PIK3CD: variants seen among roughly 807,000 people sequenced by gnomAD.
The protein encoded by PIK3CD is phosphatidylinositol-4,5-bisphosphate 3-kinase catalytic subunit delta.
Under a neutral mutation model 122.9 loss-of-function variants are expected in PIK3CD, and 20 were observed. The ratio of observed to expected loss-of-function variants is 0.16; its 90% CI spans 0.11 to 0.24. The LOEUF (loss-of-function observed/expected upper bound fraction) is 0.24. Among genes scored for constraint, PIK3CD ranks in the 10% least tolerant of loss-of-function variants. The probability of loss-of-function intolerance (pLI) is 1.00; values close to 1 mark genes in which losing one functional copy is unlikely to be tolerated. For synonymous variants in PIK3CD, 596 were observed against 593.4 expected, an observed-to-expected ratio of 1.00 and a Z score of -0.06; for missense variants, 787 against 1,406.3, an observed-to-expected ratio of 0.56 and a Z score of 7.04.
chr1:9,639,267 C>T, the PIK3CD span, among the ~76,000 whole-genome samples: 1 of 152,036 alleles, frequency 6.6e-6, no homozygotes, highest in Non-Finnish European at 1.5e-5. Context: ...TTACTCCTCA[C>T]ACTAGGTGCT....
At chr1:9,686,219 C>T (rs2100346191) in intron 1 of PIK3CD, among the ~76,000 whole-genome samples, 1 of 152,184 alleles carries the variant, frequency 6.6e-6, no homozygotes, top group East Asian at 1.9e-4. Flanking sequence ...GAGGATTGGC[C>T]CTTTTAGTAG....
chr1:9,720,518 T>C lies in PIK3CD; in HGVS notation c.1471-93T>C. The C allele has an allele frequency of 1.3e-6, 2 of 1,541,594 alleles. No individual in the cohort carries two copies. The highest frequency in any genetic ancestry group is 1.8e-6 in the Non-Finnish European group (2 of 1,141,158). ...CCTCCATGCAGAGGACAGCGCCCCC[T>C]CAAGGATGATTGGGGTGGCAATGCC... On this transcript the variant is annotated intron_variant, in intron 11 of 23. Coordinates refer to ENST00000377346, the MANE Select transcript of PIK3CD (RefSeq NM_005026.5). The surrounding 1 kb of genome is among the most constrained non-coding windows in gnomAD (Gnocchi z 9.0).
intron 2 of PIK3CD, among the ~76,000 whole-genome samples, chr1:9,693,000 A>G (rs1646264211): frequency 6.6e-6 from 1 of 152,190 alleles, no homozygotes; most frequent in African/African-American, 2.4e-5. Flanking sequence ...TCTTTGTCTC[A>G]GAAAATGCCT....
At position 9,727,801 on chromosome 1, in the gene PIK3CD, C is replaced by T; in HGVS notation, c.*755C>T. On this transcript the variant is annotated 3_prime_UTR_variant, in exon 24 of 24. Transcript: ENST00000377346. ...AGAAGCGAATACTCTGCCATTATCT[C>T]AAAAATCTTTTTTTTTTTTTTGAGA... 5.3e-6 allele frequency: 1 copy of T among 187,510 alleles called. No homozygotes were observed. The highest frequency in any genetic ancestry group is 8.5e-5 in the East Asian group (1 of 11,782). The allele number at this position is 187,510 out of a possible 1,614,324, so 11.6% of individuals were successfully genotyped here. A position where few individuals can be genotyped will look rare whatever the true frequency, so the allele number is the denominator to read the frequency against.
intron 2 of PIK3CD, among the ~76,000 whole-genome samples, chr1:9,703,602 T>A (rs1355395920): frequency 1.3e-5 from 2 of 152,270 alleles, no homozygotes; most frequent in African/African-American, 4.8e-5. Context: ...GTTGGAATCA[T>A]GAACACATAT....
At chr1:9,676,454 C>T (rs1383308212) in intron 1 of PIK3CD, among the ~76,000 whole-genome samples, 2 of 152,256 alleles carry the variant, frequency 1.3e-5, no homozygotes, top group Non-Finnish European at 2.9e-5. Flanking sequence ...GGACGCAGCT[C>T]TGGTGCCTGG....
At chr1:9,671,140 C>T (rs1645310589) in intron 1 of PIK3CD, among the ~76,000 whole-genome samples, 2 of 152,000 alleles carry the variant, frequency 1.3e-5, no homozygotes, top group South Asian at 4.1e-4. Context: ...CACTCCGTCG[C>T]CCAGGCTGGA....
chr1:9,707,313 T>C (rs1164701602), intron 2 of PIK3CD, among the ~76,000 whole-genome samples: 1 of 151,192 alleles, frequency 6.6e-6, no homozygotes, highest in Non-Finnish European at 1.5e-5. Flanking sequence ...AGAGGGTAAA[T>C]TGTGGTTTCT....
In PIK3CD at chr1:9,652,620, T is replaced by A. The variant is rs900140360; in HGVS notation, c.-138+818T>A. Reference sequence around the variant, plus strand: ...GTAATTCAGCCTGAATGAGGCTTTTTAAAAAAATCGAGTTTCCTGTTTTTA... The same window carrying A: ...GTAATTCAGCCTGAATGAGGCTTTTAAAAAAAATCGAGTTTCCTGTTTTTA... On this transcript the variant is annotated intron_variant, in intron 1 of 23. Transcript: ENST00000377346. This position sits in a 1 kb window ranked among gnomAD's most constrained non-coding sequence, Gnocchi z 6.2. 4 of 152,266 alleles carry A rather than the reference T, an allele frequency of 2.6e-5. No individual in the cohort carries two copies. Among genetic ancestry groups the A allele is most frequent in the African/African-American group, 7.2e-5 (3 of 41,476 alleles). The allele number at this position is 152,266 out of a possible 1,614,324, so 9.4% of individuals were successfully genotyped here.
rs1402413075 is a variant in PIK3CD at position 9,700,374 on chromosome 1, C to G, written c.-33+8803C>G. 6.6e-6 allele frequency among the ~76,000 whole-genome samples: 1 copy of G among 152,172 alleles called. No homozygotes were observed. Among genetic ancestry groups the G allele is most frequent in the Admixed American group, 6.5e-5 (1 of 15,276 alleles). On this transcript the variant is annotated intron_variant, in intron 2 of 23. Coordinates refer to ENST00000377346, the MANE Select transcript of PIK3CD (RefSeq NM_005026.5). This position sits in a 1 kb window ranked among gnomAD's most constrained non-coding sequence, Gnocchi z 5.1. ...ACAGACTGTAAGGGTGGCGTGGTGT[C>G]CTGGCCAGAACCCCATGTGCGGGAG...
intron 2 of PIK3CD, among the ~76,000 whole-genome samples, chr1:9,708,037 A>C (rs1646909761): frequency 6.6e-6 from 1 of 151,380 alleles, no homozygotes; most frequent in South Asian, 2.1e-4. Context: ...CTCGTGATCC[A>C]CTCGCCTCGG....
intron 2 of PIK3CD, among the ~76,000 whole-genome samples, chr1:9,707,222 T>A (rs1646869276): frequency 6.6e-6 from 1 of 151,908 alleles, no homozygotes; most frequent in African/African-American, 2.4e-5. Flanking sequence ...CACAAGGGGA[T>A]GGATTCAAGA....
In PIK3CD at chr1:9,722,495, T is replaced by C. The variant is rs367917753; in HGVS notation, c.2348-33T>C. ...TGGAAGCAGAGAACCTACCAGAAAC[T>C]CACGCTTCTCCTCCCACCGGCCGGT... is the stretch of plus-strand genomic sequence containing the variant. On this transcript the variant is annotated intron_variant, in intron 18 of 23. Coordinates refer to ENST00000377346, the MANE Select transcript of PIK3CD (RefSeq NM_005026.5). The surrounding 1 kb of genome is among the most constrained non-coding windows in gnomAD (Gnocchi z 7.6). The C allele has an allele frequency of 1.9e-6, 3 of 1,589,164 alleles. No homozygotes were observed. The African/African-American group carries it at 4.0e-5, about 21-fold the overall frequency.
Position 9,715,507 on chromosome 1 carries a change from G to A in PIK3CD, c.142-34G>A, listed in dbSNP as rs1264460293. 6.3e-7 allele frequency: 1 copy of A among 1,594,140 alleles called. No homozygotes were observed. Among genetic ancestry groups the A allele is most frequent in the Non-Finnish European group, 8.6e-7 (1 of 1,164,430 alleles). ...CCTCCCACCTCCCAGTGGCTGCCTT[G>A]GGTGGAGGGGCTGACCGGTGACTGT... On this transcript the variant is annotated intron_variant, in intron 3 of 23. Transcript: ENST00000377346. The surrounding 1 kb of genome is among the most constrained non-coding windows in gnomAD (Gnocchi z 4.1).
Position 9,728,809 on chromosome 1 carries a change from C to CATT in PIK3CD, c.*1764_*1766dup. On this transcript the variant is annotated 3_prime_UTR_variant, in exon 24 of 24. Coordinates refer to ENST00000377346, the MANE Select transcript of PIK3CD (RefSeq NM_005026.5). ...AAGAATATTTTCTATTTTTTTAAGT[C>CATT]ATTTCATGTTTCTGTCTGGGGAAGG... 1 of 152,300 alleles carries CATT rather than the reference C, an allele frequency of 6.6e-6. No individual in the cohort carries two copies. Among genetic ancestry groups the CATT allele is most frequent in the Middle Eastern group, 3.4e-3 (1 of 296 alleles). The allele number at this position is 152,300 out of a possible 1,614,324, so 9.4% of individuals were successfully genotyped here.
chr1:9,715,830 AGCCCT>A lies in PIK3CD; in HGVS notation c.371-18_371-14del. 4 of 707,958 alleles carry A rather than the reference AGCCCT, an allele frequency of 5.7e-6. No homozygotes were observed. Among genetic ancestry groups the A allele is most frequent in the African/African-American group, 1.8e-5 (1 of 55,702 alleles). 43.9% of individuals were successfully genotyped at this position (707,958 alleles called of 1,614,324 possible). A position where few individuals can be genotyped will look rare whatever the true frequency, so the allele number is the denominator to read the frequency against. ...CCCTGCCTGCCCCACCCGCTGACCC[AGCCCT>A]CCCCACCCCGCAGGCCTCCACGAGT... On this transcript the variant is annotated splice_polypyrimidine_tract_variant and intron_variant, in intron 4 of 23. Coordinates refer to ENST00000377346, the MANE Select transcript of PIK3CD (RefSeq NM_005026.5). The surrounding 1 kb of genome is among the most constrained non-coding windows in gnomAD (Gnocchi z 4.1).
intron 1 of PIK3CD, among the ~76,000 whole-genome samples, chr1:9,666,225 G>GTGTTTT (rs1394550198): frequency 1.0e-5 from 1 of 97,410 alleles, no homozygotes; most frequent in Non-Finnish European, 2.0e-5. Flanking sequence ...ACCGCGCCCG[G>GTGTTTT]TCTTTTTTTT....
chr1:9,687,499 G>C (rs1473923020), intron 1 of PIK3CD: 1 of 152,140 alleles, frequency 6.6e-6, no homozygotes, highest in African/African-American at 2.4e-5. Context: ...CTGAGTCAGG[G>C]GGTCCCAGCT....
chr1:9,647,479 C>A (rs369528178), upstream of PIK3CD, among the ~76,000 whole-genome samples: 48 of 108,136 alleles, frequency 4.4e-4, no homozygotes, highest in South Asian at 4.8e-3. Context: ...ATTCATGATT[C>A]TAATTATTAT....
Sources: gnomAD v4.1 joint callset for allele counts (sites outside exome capture counted in the v4.1 genomes callset) on GRCh38, gnomAD v4.1.1 for gene constraint, Gnocchi (gnomAD v3.1) non-coding constraint, MANE v1.5 for transcripts, NCBI Gene and HGNC (gene_info 2026-07-23, HGNC 2026-07-21) for gene names.